Variants in MAST4 observed in about 807,000 individuals in gnomAD.
The protein encoded by MAST4 is microtubule-associated serine/threonine-protein kinase 4.
Under a neutral mutation model 162.7 loss-of-function variants are expected in MAST4, and 89 were observed. The observed-to-expected ratio is 0.55, with a 90% CI of 0.46 to 0.65. MAST4 has a LOEUF of 0.65. Ranked by LOEUF, MAST4 falls within the 30% of genes least tolerant of loss-of-function variation. The pLI is 0.00. For missense variants in MAST4, 3,153 were observed against 3,374.0 expected (o/e 0.93, Z 1.62); for synonymous variants, 1,479 against 1,361.1 (o/e 1.09, Z -1.91).
chr5:67,074,111 C>T (rs918150996), intron 5 of MAST4, among the ~76,000 whole-genome samples: 7 of 150,244 alleles, frequency 4.7e-5, no homozygotes, highest in Non-Finnish European at 7.4e-5. Flanking sequence ...TTTTAATGAA[C>T]GTATGAAAAT....
At chr5:67,084,214 GA>G (rs1296303641) in intron 5 of MAST4, among the ~76,000 whole-genome samples, 1 of 152,150 alleles carries the variant, frequency 6.6e-6, no homozygotes, top group Non-Finnish European at 1.5e-5. Flanking sequence ...TCATTCCTTA[GA>G]AAACATTACA....
At chr5:67,118,499 A>G (rs1767186670) in intron 12 of MAST4, among the ~76,000 whole-genome samples, 183 bp from the exon 13 acceptor site, 1 of 152,226 alleles carries the variant, frequency 6.6e-6, no homozygotes, top group Non-Finnish European at 1.5e-5. Flanking sequence ...AGGAGTGTGT[A>G]GTGAACAATT....
intron 1 of MAST4, among the ~76,000 whole-genome samples, chr5:66,672,899 A>G (rs369593272): frequency 1.0e-3 from 156 of 152,270 alleles, no homozygotes; most frequent in African/African-American, 3.7e-3. Flanking sequence ...TCAGGTACAT[A>G]TCCCCCAGCC....
intron 1 of MAST4, among the ~76,000 whole-genome samples, chr5:66,696,536 T>G (rs1749413217): frequency 6.6e-6 from 1 of 152,104 alleles, no homozygotes; most frequent in South Asian, 2.1e-4. Flanking sequence ...AGCATCAACA[T>G]GATGGTCAAG....
At chr5:66,800,741 A>C (rs184120917) in intron 3 of MAST4, among the ~76,000 whole-genome samples, 12 of 152,310 alleles carry the variant, frequency 7.9e-5, no homozygotes, top group Admixed American at 6.5e-4. Flanking sequence ...TAGAAAAAAG[A>C]AACCCAACTC....
At chr5:66,921,887 C>G (rs1764564766) in intron 4 of MAST4, among the ~76,000 whole-genome samples, 1 of 152,150 alleles carries the variant, frequency 6.6e-6, no homozygotes, top group South Asian at 2.1e-4. Context: ...ATAATATTAT[C>G]TTCTTGTGAA....
In MAST4 at chr5:66,788,686, A is replaced by G. The variant is rs1041486703; in HGVS notation, c.534A>G (p.Pro178=). 1 of 1,602,674 alleles carries G rather than the reference A, an allele frequency of 6.2e-7. No homozygotes were observed. The change falls in exon 3 of 29, where the codon CCA becomes CCG. Residue 178 remains proline, a synonymous_variant. Coordinates refer to ENST00000403625, the MANE Select transcript of MAST4 (RefSeq NM_001164664.2). ...CTCCAACAGGGAGGTACCTTCTTCC[A>G]AACCCGGTGGCGGGACAGGCCTGGC... ...GGALTGRYLL[P]NPVAGQAWPA...
At chr5:66,650,055 A>AT (rs1181889625) in intron 1 of MAST4, among the ~76,000 whole-genome samples, 1 of 151,950 alleles carries the variant, frequency 6.6e-6, no homozygotes, top group Non-Finnish European at 1.5e-5. Flanking sequence ...TGGACCATGT[A>AT]TTTCAGTCAA....
chr5:67,013,957 G>C (rs536810468), intron 4 of MAST4, among the ~76,000 whole-genome samples: 7 of 152,186 alleles, frequency 4.6e-5, no homozygotes, highest in African/African-American at 1.7e-4. Context: ...GTTGATCTTG[G>C]AACTTGAGAT....
chr5:66,748,436 C>CTCCCTCCCTCCCTCCCTCA (rs1752911501), intron 1 of MAST4, among the ~76,000 whole-genome samples: 1 of 5,404 alleles, frequency 1.9e-4, no homozygotes, highest in Non-Finnish European at 3.0e-4. Context: ...TCCCTCCCTC[C>CTCCCTCCCTCCCTCCCTCA]CTCCCTCTCT....
chr5:66,969,393 C>T (rs190804540), intron 4 of MAST4, among the ~76,000 whole-genome samples: 14 of 152,316 alleles, frequency 9.2e-5, no homozygotes, highest in Admixed American at 2.6e-4. Flanking sequence ...ACTTCTTGAA[C>T]GCTCATTGTC....
intron 1 of MAST4, among the ~76,000 whole-genome samples, chr5:66,697,974 A>G (rs1447299603): frequency 2.6e-5 from 4 of 151,990 alleles, no homozygotes; most frequent in Non-Finnish European, 5.9e-5. Context: ...TCGATTCCCA[A>G]CATTCCATGA....
intron 6 of MAST4, 128 bp from the exon 7 acceptor site, chr5:67,095,469 C>A (rs1764347800): frequency 1.6e-6 from 1 of 630,902 alleles, no homozygotes; most frequent in Admixed American, 2.9e-5. Context: ...CTGACCCTTG[C>A]TGAACATTTC....
intron 4 of MAST4, among the ~76,000 whole-genome samples, chr5:67,019,634 T>TC: frequency 6.6e-6 from 1 of 152,228 alleles, no homozygotes; most frequent in South Asian, 2.1e-4. Flanking sequence ...TTATTTAATT[T>TC]TCAGACATAA....
chr5:66,917,140 C>A (rs1332362126), intron 4 of MAST4: 2 of 645,274 alleles, frequency 3.1e-6, no homozygotes, highest in Non-Finnish European at 5.7e-6. Context: ...GCCCTTAATT[C>A]TTTCCAATCT....
chr5:66,989,024 G>T (rs764333117), intron 4 of MAST4, among the ~76,000 whole-genome samples: 1 of 152,044 alleles, frequency 6.6e-6, no homozygotes, highest in African/African-American at 2.4e-5. Context: ...TTAGATCTTT[G>T]TACTTCATGA....
chr5:66,935,674 C>CTTTCT (rs1742664014), intron 4 of MAST4, among the ~76,000 whole-genome samples: 1 of 132,614 alleles, frequency 7.5e-6, no homozygotes, highest in African/African-American at 2.6e-5. Context: ...TTCTTTCTTT[C>CTTTCT]TTTTTTTTTT....
At chr5:67,133,764 A>G (rs945532657) in intron 17 of MAST4, 118 bp downstream of exon 17, 2 of 1,119,950 alleles carry the variant, frequency 1.8e-6, no homozygotes, top group Non-Finnish European at 2.5e-6. Context: ...AGATGTCTGT[A>G]TAAACCTTAC....
intron 4 of MAST4, chr5:67,004,916 GTCTT>G (rs1420620042): frequency 4.3e-6 from 3 of 695,640 alleles, no homozygotes; most frequent in Admixed American, 2.2e-5. Context: ...TTTTGGCCTT[GTCTT>G]TCTTCCTTTT....
Sources: allele counts gnomAD v4.1 joint callset (sites outside exome capture counted in the v4.1 genomes callset), GRCh38; gene constraint gnomAD v4.1.1; transcripts MANE v1.5; gene names NCBI Gene and HGNC (gene_info 2026-07-23, HGNC 2026-07-21).